The following RSRC1 variants were observed in gnomAD, a reference collection of about 807,000 sequenced individuals.
RSRC1 encodes the protein serine/Arginine-related protein 53.
In RSRC1, 39 loss-of-function variants were observed where a neutral mutation model predicts 49.1. The observed-to-expected ratio is 0.79, with a 90% CI of 0.61 to 1.04. The LOEUF is 1.04. Ranked by LOEUF, RSRC1 falls within the 50% of genes least tolerant of loss-of-function variation. RSRC1 has a pLI of 0.00. For missense variants in RSRC1, 388 were observed against 402.4 expected, an observed-to-expected ratio of 0.96 and a Z score of 0.31; for synonymous variants, 143 against 130.8, an observed-to-expected ratio of 1.09 and a Z score of -0.63.
chr3:158,176,298 CTACTT>C (rs1471935855), intron 3 of RSRC1, among the ~76,000 whole-genome samples: 3 of 152,172 alleles, frequency 2.0e-5, no homozygotes, highest in Non-Finnish European at 4.4e-5. Flanking sequence ...TTGGAAAAAA[CTACTT>C]TAAAGTCCAT....
At chr3:158,503,537 G>A (rs1006066688) in intron 7 of RSRC1, among the ~76,000 whole-genome samples, 1 of 152,164 alleles carries the variant, frequency 6.6e-6, no homozygotes, top group Non-Finnish European at 1.5e-5. Flanking sequence ...TCTGAGCTCA[G>A]ACTCTCTTTG....
chr3:158,221,453 A>G (rs1162491947), intron 4 of RSRC1, among the ~76,000 whole-genome samples: 1 of 151,424 alleles, frequency 6.6e-6, no homozygotes, highest in East Asian at 1.9e-4. Context: ...TCCTAATTTC[A>G]TTAGCTTTCC....
At chr3:158,238,623 T>C (rs1362275276) in intron 4 of RSRC1, among the ~76,000 whole-genome samples, 1 of 152,182 alleles carries the variant, frequency 6.6e-6, no homozygotes, top group Non-Finnish European at 1.5e-5. Context: ...GGGAAAGGAT[T>C]CCCTGTTTAA....
intron 3 of RSRC1, among the ~76,000 whole-genome samples, chr3:158,170,710 C>T (rs376291680): frequency 9.2e-5 from 14 of 152,240 alleles, no homozygotes; most frequent in African/African-American, 2.6e-4. Flanking sequence ...TCAGAGAAAA[C>T]CCTCATATTT....
intron 6 of RSRC1, among the ~76,000 whole-genome samples, chr3:158,359,617 A>C (rs773839079): frequency 1.4e-4 from 22 of 152,152 alleles, no homozygotes; most frequent in Non-Finnish European, 2.5e-4. Flanking sequence ...GGAAGCTTGA[A>C]GATCCCAGGA....
intron 3 of RSRC1, among the ~76,000 whole-genome samples, chr3:158,173,309 C>T (rs958570788): frequency 4.6e-5 from 7 of 151,856 alleles, no homozygotes; most frequent in African/African-American, 9.7e-5. Context: ...ATTGACTTTT[C>T]GTAACTCTAT....
chr3:158,326,988 T>G (rs1269290561), intron 5 of RSRC1, among the ~76,000 whole-genome samples: 2 of 152,334 alleles, frequency 1.3e-5, no homozygotes, highest in African/African-American at 4.8e-5. Context: ...ATTTATCCAT[T>G]TGTTCTAGAT....
chr3:158,516,550 G>T (rs1344957888), intron 7 of RSRC1, among the ~76,000 whole-genome samples: 1 of 152,172 alleles, frequency 6.6e-6, no homozygotes, highest in African/African-American at 2.4e-5. Flanking sequence ...CTGTCTTTTT[G>T]TTGTCTGTGC....
At chr3:158,315,636 A>G (rs1441289960) in intron 5 of RSRC1, among the ~76,000 whole-genome samples, 1 of 152,152 alleles carries the variant, frequency 6.6e-6, no homozygotes, top group Non-Finnish European at 1.5e-5. Flanking sequence ...GCCTTAAGAA[A>G]TATAATTTAA....
At chr3:158,383,573 A>G (rs1732820889) in intron 6 of RSRC1, among the ~76,000 whole-genome samples, 1 of 152,184 alleles carries the variant, frequency 6.6e-6, no homozygotes, top group Admixed American at 6.6e-5. Flanking sequence ...TGCCATGCAT[A>G]TACTTTTACT....
At chr3:158,135,435 ATTT>A (rs751854340) in intron 3 of RSRC1, among the ~76,000 whole-genome samples, 1 of 136,922 alleles carries the variant, frequency 7.3e-6, no homozygotes, top group Non-Finnish European at 1.6e-5. Context: ...ACACCCAGCT[ATTT>A]TTTTTTTTTT....
At chr3:158,253,118 GT>G (rs1724319555) in intron 4 of RSRC1, among the ~76,000 whole-genome samples, 1 of 151,686 alleles carries the variant, frequency 6.6e-6, no homozygotes, top group South Asian at 2.1e-4. Flanking sequence ...CTAATTTGGG[GT>G]TTGGTTTGGT....
At chr3:158,267,628 C>T (rs375496375) in intron 4 of RSRC1, among the ~76,000 whole-genome samples, 5 of 151,566 alleles carry the variant, frequency 3.3e-5, no homozygotes, top group African/African-American at 9.7e-5. Context: ...CTTTCTTGAG[C>T]CCATTTCATG....
At chr3:158,122,027 TA>T in intron 1 of RSRC1, 75 bp from the exon 2 acceptor site, 1 of 808,520 alleles carries the variant, frequency 1.2e-6, no homozygotes, top group Non-Finnish European at 1.8e-6. Context: ...ATAAATGAAA[TA>T]AAAAATTAAT....
intron 4 of RSRC1, among the ~76,000 whole-genome samples, chr3:158,284,549 C>A (rs1175780064): frequency 1.4e-5 from 2 of 147,278 alleles, no homozygotes; most frequent in South Asian, 2.2e-4. Flanking sequence ...TCCTCTCCAG[C>A]ACCTGTTGTT....
At chr3:158,300,000 A>G (rs1727447971) in intron 5 of RSRC1, among the ~76,000 whole-genome samples, 1 of 152,214 alleles carries the variant, frequency 6.6e-6, no homozygotes, top group African/African-American at 2.4e-5. Context: ...GGCTAAAAAT[A>G]TTTTAAAACT....
intron 5 of RSRC1, among the ~76,000 whole-genome samples, chr3:158,341,170 A>G (rs1459500198): frequency 1.3e-5 from 2 of 152,178 alleles, no homozygotes; most frequent in Non-Finnish European, 2.9e-5. Context: ...AAAAAAAAAC[A>G]TTCTCTGGGG....
At position 158,515,175 on chromosome 3, in the gene RSRC1, T is replaced by G. The variant is rs914534468; in HGVS notation, c.653-21917T>G. On this transcript the variant is annotated intron_variant, in intron 7 of 9. Coordinates refer to ENST00000611884, the MANE Select transcript of RSRC1 (RefSeq NM_001271838.2). ...TCCTGTCATTATGATGTTAGCTGGT[T>G]ATTTTGCTCGTTAGTTGATGCAGTT... Among the ~76,000 whole-genome samples the G allele has an allele frequency of 4.7e-4, 72 of 152,060 alleles. 1 individual carries two copies. The highest frequency in any genetic ancestry group is 1.2e-3 in the African/African-American group (51 of 41,454).
At position 158,373,686 on chromosome 3, in the gene RSRC1, T is replaced by C. The variant is rs1183690612; in HGVS notation, c.583+18778T>C. 2.0e-5 allele frequency among the ~76,000 whole-genome samples: 3 copies of C among 152,008 alleles called. No homozygotes were observed. The East Asian group carries it at 5.8e-4, about 29-fold the overall frequency. On this transcript the variant is annotated intron_variant, in intron 6 of 9. Transcript: ENST00000611884. ...ATTCATAGCAATTATAAATACTTCATTAGAACCATTTCTATACATAATTCC... is the reference window on the plus strand; with the variant it reads ...ATTCATAGCAATTATAAATACTTCACTAGAACCATTTCTATACATAATTCC...
Sources: gnomAD v4.1 joint callset for allele counts (sites outside exome capture counted in the v4.1 genomes callset) on GRCh38, gnomAD v4.1.1 for gene constraint, MANE v1.5 for transcripts, NCBI Gene and HGNC (gene_info 2026-07-23, HGNC 2026-07-21) for gene names.